The following TXK variants were observed in gnomAD, a reference collection of about 807,000 sequenced individuals.
The protein encoded by TXK is TXK tyrosine kinase.
In TXK, 60 loss-of-function variants were observed where a neutral mutation model predicts 81.0. That is an observed-to-expected ratio of 0.74 (90% CI 0.60 to 0.92). TXK has a LOEUF of 0.92. TXK is among the 40% of genes least tolerant of loss of function. The pLI is 0.00. For synonymous variants in TXK, 203 were observed against 210.7 expected (o/e 0.96, Z 0.32); for missense variants, 581 against 638.3 (o/e 0.91, Z 0.97).
intron 6 of TXK, among the ~76,000 whole-genome samples, chr4:48,101,684 T>C (rs1393108861): frequency 5.3e-5 from 8 of 151,682 alleles, no homozygotes; most frequent in African/African-American, 1.5e-4. Flanking sequence ...TATATACACA[T>C]ACACACTCAT....
At chr4:48,130,863 C>T (rs996392361) in intron 1 of TXK, among the ~76,000 whole-genome samples, 5 of 152,148 alleles carry the variant, frequency 3.3e-5, no homozygotes, top group African/African-American at 9.7e-5. Context: ...ACCCTCAGAT[C>T]CAGTTATGGA....
chr4:48,104,345 A>T (rs867405216), intron 6 of TXK, among the ~76,000 whole-genome samples: 1 of 1,388 alleles, frequency 7.2e-4, no homozygotes, highest in Non-Finnish European at 1.0e-3. Flanking sequence ...TAATATATAT[A>T]ATATATAATA....
intron 9 of TXK, among the ~76,000 whole-genome samples, chr4:48,087,112 T>A (rs947769325): frequency 1.3e-5 from 2 of 152,152 alleles, no homozygotes; most frequent in Admixed American, 1.3e-4. Context: ...TAGGGAAAAG[T>A]CCAATGAAAT....
intron 12 of TXK, among the ~76,000 whole-genome samples, chr4:48,075,121 A>G (rs188667483): frequency 5.4e-4 from 82 of 152,204 alleles, no homozygotes; most frequent in African/African-American, 1.9e-3. Flanking sequence ...GGGGTACTAG[A>G]CATTAGTAGA....
At chr4:48,093,615 G>T (rs538938518) in intron 8 of TXK, among the ~76,000 whole-genome samples, 2 of 152,322 alleles carry the variant, frequency 1.3e-5, no homozygotes, top group Admixed American at 6.5e-5. Flanking sequence ...GTGAAAGGCT[G>T]TGTTCTCTGT....
In TXK at chr4:48,110,621, G is replaced by C; in HGVS notation, c.381-18C>G. The C allele has an allele frequency of 1.2e-6, 2 of 1,603,380 alleles. No individual in the cohort carries two copies. The highest frequency in any genetic ancestry group is 1.7e-6 in the Non-Finnish European group (2 of 1,172,240). ...CTTCATTCCTACAACAAAAGAAAAAGCAAAAATCAAAATGCTTGGCATGTT... is the reference window on the plus strand; with the variant it reads ...CTTCATTCCTACAACAAAAGAAAAACCAAAAATCAAAATGCTTGGCATGTT... On this transcript the variant is annotated intron_variant, in intron 4 of 14. Transcript: ENST00000264316.
At chr4:48,075,357 T>C (rs1717024891) in intron 12 of TXK, among the ~76,000 whole-genome samples, 1 of 152,042 alleles carries the variant, frequency 6.6e-6, no homozygotes, top group Admixed American at 6.6e-5. Context: ...AGTTTTGTAA[T>C]CATAAAGAAC....
chr4:48,120,011 T>G (rs1351591361), intron 1 of TXK, among the ~76,000 whole-genome samples: 1 of 151,968 alleles, frequency 6.6e-6, no homozygotes, highest in African/African-American at 2.4e-5. Flanking sequence ...ATTCAAAATT[T>G]TAAAAATACT....
rs1276192467 is a variant in TXK at position 48,085,887 on chromosome 4, T to G, written c.956+579A>C. Among the ~76,000 whole-genome samples the G allele has an allele frequency of 2.0e-5, 3 of 152,242 alleles. No homozygotes were observed. The East Asian group carries it at 5.8e-4, about 29-fold the overall frequency. ...ATAAAATCTCTGCATTCACCATCCT[T>G]CAAGTCCGTGTGACCTGATTCTTCC... On this transcript the variant is annotated intron_variant, in intron 10 of 14. Coordinates refer to ENST00000264316, the MANE Select transcript of TXK (RefSeq NM_003328.3).
chr4:48,119,893 C>A (rs577035273), intron 1 of TXK, among the ~76,000 whole-genome samples: 1 of 152,160 alleles, frequency 6.6e-6, no homozygotes, highest in African/African-American at 2.4e-5. Flanking sequence ...TCTATTCAGG[C>A]CACAGGATGC....
intron 1 of TXK, among the ~76,000 whole-genome samples, chr4:48,115,232 G>A (rs955193085): frequency 5.9e-5 from 9 of 152,116 alleles, no homozygotes; most frequent in African/African-American, 2.2e-4. Flanking sequence ...CCTGGTGTGT[G>A]ATGTTCCCCT....
chr4:48,121,379 A>G (rs1419294055), intron 1 of TXK, among the ~76,000 whole-genome samples: 1 of 152,152 alleles, frequency 6.6e-6, no homozygotes, highest in African/African-American at 2.4e-5. Context: ...CAGGTAAATA[A>G]TCTTAGTCAT....
At chr4:48,114,439 A>C in intron 1 of TXK, 37 bp from the exon 2 acceptor site, 1 of 1,606,232 alleles carries the variant, frequency 6.2e-7, no homozygotes, top group Non-Finnish European at 8.5e-7. Flanking sequence ...TTAGAAAGCC[A>C]TGAGTACGTG....
chr4:48,113,436 G>T, intron 2 of TXK, 127 bp from the exon 3 acceptor site: 1 of 651,282 alleles, frequency 1.5e-6, no homozygotes, highest in South Asian at 2.3e-5. Flanking sequence ...CATTTAGAAG[G>T]CTTCCTAACT....
intron 5 of TXK, among the ~76,000 whole-genome samples, chr4:48,108,926 T>C (rs529335677): frequency 1.3e-5 from 2 of 152,338 alleles, no homozygotes; most frequent in East Asian, 3.9e-4. Flanking sequence ...TGAGTGTCCA[T>C]TCACTAACCA....
At chr4:48,101,429 G>A (rs1718189036) in intron 6 of TXK, among the ~76,000 whole-genome samples, 2 of 152,074 alleles carry the variant, frequency 1.3e-5, no homozygotes, top group South Asian at 4.1e-4. Flanking sequence ...TGATGTTAAT[G>A]TAACCTTTAT....
rs142843516 is a variant in TXK, at chr4:48,100,496, A to C, written c.501+4405T>G. Among the ~76,000 whole-genome samples, 427 of 152,306 alleles carry C rather than the reference A, an allele frequency of 2.8e-3. 4 individuals are homozygous for C. The highest frequency in any genetic ancestry group is 9.9e-3 in the African/African-American group (412 of 41,566). On this transcript the variant is annotated intron_variant, in intron 6 of 14. Coordinates refer to ENST00000264316, the MANE Select transcript of TXK (RefSeq NM_003328.3). ...TACAGGAAATGCAAATTAAATCCAC[A>C]CTGAGATGAGGTGTCAGAGAGCAAA...
chr4:48,129,886 G>A (rs886092337), intron 1 of TXK, among the ~76,000 whole-genome samples: 1 of 152,172 alleles, frequency 6.6e-6, no homozygotes, highest in Non-Finnish European at 1.5e-5. Context: ...CATCGAGCCA[G>A]CTTGTGATGT....
At position 48,104,222 on chromosome 4, in the gene TXK, T is replaced by A. The variant is rs1256854069; in HGVS notation, c.501+679A>T. 8.4e-5 allele frequency among the ~76,000 whole-genome samples: 7 copies of A among 83,158 alleles called. 2 individuals carry two copies. Among genetic ancestry groups the A allele is most frequent in the Non-Finnish European group, 1.0e-4 (5 of 48,284 alleles). 54.6% of individuals were successfully genotyped at this position (83,158 alleles called of 152,430 possible). ...TGTCTCAAAATATATATATATATAT[T>A]ATATATTATATTATATATAATATAT... On this transcript the variant is annotated intron_variant, in intron 6 of 14. Coordinates refer to ENST00000264316, the MANE Select transcript of TXK (RefSeq NM_003328.3).
Sources: allele counts gnomAD v4.1 joint callset (sites outside exome capture counted in the v4.1 genomes callset), GRCh38; gene constraint gnomAD v4.1.1; transcripts MANE v1.5; gene names NCBI Gene and HGNC (gene_info 2026-07-23, HGNC 2026-07-21).